FSHR: variants seen among roughly 807,000 people sequenced by gnomAD.
FSHR encodes follicle stimulating hormone receptor.
FSHR carries 46 observed loss-of-function variants against 52.1 expected under a neutral mutation model. That is an observed-to-expected ratio of 0.88 (90% confidence interval 0.70 to 1.13). FSHR has a LOEUF of 1.13. FSHR is among the 50% of genes most tolerant of loss of function. FSHR has a pLI of 0.00. For missense variants in FSHR, 964 were observed against 834.6 expected, an observed-to-expected ratio of 1.16 and a Z score of -1.91; for synonymous variants, 399 against 309.6, an observed-to-expected ratio of 1.29 and a Z score of -3.03.
chr2:49,071,979 A>G (rs1269155984), intron 1 of FSHR, among the ~76,000 whole-genome samples: 2 of 152,162 alleles, frequency 1.3e-5, no homozygotes, highest in Non-Finnish European at 2.9e-5. Flanking sequence ...GGATATTTCA[A>G]TATGAGATTT....
intron 2 of FSHR, among the ~76,000 whole-genome samples, chr2:49,040,611 G>A (rs139910102): frequency 5.8e-4 from 89 of 152,216 alleles, no homozygotes; most frequent in East Asian, 3.3e-3. Context: ...GTGGAGAGAG[G>A]TATGGTACAG....
intron 1 of FSHR, among the ~76,000 whole-genome samples, chr2:49,150,494 A>T (rs1342617810): frequency 6.6e-6 from 1 of 152,068 alleles, no homozygotes; most frequent in East Asian, 1.9e-4. Context: ...AACATGAGAG[A>T]TATTGTGCAA....
At chr2:48,991,450 G>C (rs1000887028) in intron 4 of FSHR, among the ~76,000 whole-genome samples, 2 of 152,180 alleles carry the variant, frequency 1.3e-5, no homozygotes, top group Admixed American at 1.3e-4. Flanking sequence ...GTGAGGGAGA[G>C]TAGTGGGGGA....
chr2:48,973,932 G>A (rs1183894645), intron 8 of FSHR, among the ~76,000 whole-genome samples: 1 of 127,120 alleles, frequency 7.9e-6, no homozygotes. Context: ...CAAGTGCCCT[G>A]AGAGCAGGCT....
intron 2 of FSHR, among the ~76,000 whole-genome samples, chr2:49,040,242 G>A (rs1668432692): frequency 1.3e-5 from 2 of 152,112 alleles, no homozygotes; most frequent in Admixed American, 1.3e-4. Flanking sequence ...TTCAGAAGTG[G>A]CCATGGAGAT....
intron 1 of FSHR, among the ~76,000 whole-genome samples, chr2:49,092,075 C>T (rs991548808): frequency 1.3e-5 from 2 of 152,200 alleles, no homozygotes; most frequent in African/African-American, 2.4e-5. Context: ...TTTCAGGATA[C>T]AGATCCTGTA....
chr2:49,094,374 A>G, intron 1 of FSHR, among the ~76,000 whole-genome samples: 1 of 152,162 alleles, frequency 6.6e-6, no homozygotes, highest in East Asian at 1.9e-4. Flanking sequence ...AAGAGGGGAG[A>G]AGAATAGTTT....
At chr2:49,015,558 G>A (rs911004235) in intron 4 of FSHR, among the ~76,000 whole-genome samples, 2 of 152,166 alleles carry the variant, frequency 1.3e-5, no homozygotes, top group African/African-American at 2.4e-5. Context: ...ACTATTGAAT[G>A]ATGGAGTCAG....
At chr2:49,125,825 C>G (rs1671976507) in intron 1 of FSHR, among the ~76,000 whole-genome samples, 1 of 152,236 alleles carries the variant, frequency 6.6e-6, no homozygotes, top group South Asian at 2.1e-4. Context: ...TTGCCACTAG[C>G]TGTCGTGGTA....
At chr2:49,063,997 TA>T (rs1669411527) in intron 2 of FSHR, among the ~76,000 whole-genome samples, 1 of 151,164 alleles carries the variant, frequency 6.6e-6, no homozygotes, top group African/African-American at 2.4e-5. Context: ...ATGTGTCAAT[TA>T]AAAAATAATA....
chr2:49,089,228 G>T (rs1050243792), intron 1 of FSHR, among the ~76,000 whole-genome samples: 4 of 152,056 alleles, frequency 2.6e-5, no homozygotes, highest in African/African-American at 9.7e-5. Context: ...CAGGGAGAAA[G>T]ATTCCCTGAA....
At chr2:49,097,470 A>G (rs913920691) in intron 1 of FSHR, among the ~76,000 whole-genome samples, 5 of 152,232 alleles carry the variant, frequency 3.3e-5, no homozygotes, top group African/African-American at 1.2e-4. Context: ...GCAGAGAACA[A>G]GAAATGAATT....
chr2:49,067,349 G>A (rs1455038913), intron 2 of FSHR, among the ~76,000 whole-genome samples: 1 of 151,990 alleles, frequency 6.6e-6, no homozygotes, highest in Non-Finnish European at 1.5e-5. Context: ...TATTCTTAAA[G>A]GGATATAAAA....
At chr2:49,071,253 C>T (rs1310567563) in intron 1 of FSHR, among the ~76,000 whole-genome samples, 1 of 152,022 alleles carries the variant, frequency 6.6e-6, no homozygotes, top group Non-Finnish European at 1.5e-5. Flanking sequence ...AAACACAAAT[C>T]CACTTCCAGA....
chr2:49,066,940 A>G (rs78319349), intron 2 of FSHR, among the ~76,000 whole-genome samples: 10,397 of 151,906 alleles, frequency 0.068, 555 homozygotes, highest in East Asian at 0.21. Context: ...CTCCCACTCT[A>G]CTGTCTCCCT....
At chr2:49,059,615 G>T (rs1669207755) in intron 2 of FSHR, 1 of 152,544 alleles carries the variant, frequency 6.6e-6, no homozygotes, top group Admixed American at 6.5e-5. Flanking sequence ...AGGTAACTGT[G>T]ATTTTTGCTA....
intron 6 of FSHR, among the ~76,000 whole-genome samples, chr2:48,985,585 C>CT (rs1342365234): frequency 3.3e-5 from 5 of 151,740 alleles, no homozygotes; most frequent in Non-Finnish European, 7.4e-5. Flanking sequence ...CTCTGATTCA[C>CT]TAGGCTAGTG....
At chr2:49,028,209 G>A (rs1267989264) in intron 2 of FSHR, among the ~76,000 whole-genome samples, 1 of 152,204 alleles carries the variant, frequency 6.6e-6, no homozygotes, top group African/African-American at 2.4e-5. Flanking sequence ...GTAACTCAAG[G>A]CTGCAGGAAT....
intron 2 of FSHR, among the ~76,000 whole-genome samples, chr2:49,050,330 T>C (rs1202328596): frequency 1.3e-5 from 2 of 152,150 alleles, no homozygotes; most frequent in Non-Finnish European, 2.9e-5. Context: ...AAGCTGAAAC[T>C]TGAAAGGAAA....
Sources: gnomAD v4.1 joint callset for allele counts (sites outside exome capture counted in the v4.1 genomes callset) on GRCh38, gnomAD v4.1.1 for gene constraint, MANE v1.5 for transcripts, NCBI Gene and HGNC (gene_info 2026-07-23, HGNC 2026-07-21) for gene names.